LRP1B: variants seen among roughly 807,000 people sequenced by gnomAD.
LRP1B encodes low-density lipoprotein receptor-related protein 1B.
LRP1B carries 217 observed loss-of-function variants against 556.6 expected under a neutral mutation model. The ratio of observed to expected loss-of-function variants is 0.39; its 90% confidence interval spans 0.35 to 0.44. The LOEUF is 0.44. Ranked by LOEUF, LRP1B falls within the 20% of genes least tolerant of loss-of-function variation. The pLI is 1.00. For missense variants in LRP1B, 5,053 were observed against 5,620.8 expected (o/e 0.90, Z 3.23); for synonymous variants, 2,047 against 1,865.8 (o/e 1.10, Z -2.50).
At chr2:140,982,011 G>A (rs993423523) in intron 18 of LRP1B, 149 bp downstream of exon 18, 1 of 571,586 alleles carries the variant, frequency 1.7e-6, no homozygotes, top group African/African-American at 1.9e-5. Context: ...CGCACAATCA[G>A]GTCCAAAAGT....
At chr2:141,463,628 AT>A (rs1189007612) in intron 3 of LRP1B, among the ~76,000 whole-genome samples, 4 of 119,572 alleles carry the variant, frequency 3.3e-5, no homozygotes, top group East Asian at 4.2e-4. Flanking sequence ...TGTATTATAT[AT>A]TATTATATAT....
intron 37 of LRP1B, among the ~76,000 whole-genome samples, chr2:140,703,138 A>G (rs1686708287): frequency 6.6e-6 from 1 of 152,066 alleles, no homozygotes; most frequent in African/African-American, 2.4e-5. Flanking sequence ...ATAACTTTCT[A>G]TTTTTTCTAC....
intron 2 of LRP1B, among the ~76,000 whole-genome samples, chr2:141,661,515 C>T (rs1415954588): frequency 1.3e-5 from 2 of 152,060 alleles, no homozygotes; most frequent in Non-Finnish European, 2.9e-5. Context: ...AAACACAACA[C>T]GAGAACTTCA....
chr2:141,038,051 A>G (rs10210358), intron 11 of LRP1B, among the ~76,000 whole-genome samples: 106,870 of 151,498 alleles, frequency 0.71, 39,344 homozygotes, highest in Non-Finnish European at 0.81. Context: ...ACCTCTTCCA[A>G]TCAATGTTGA....
At chr2:141,544,167 G>C (rs1023303913) in intron 2 of LRP1B, among the ~76,000 whole-genome samples, 9 of 152,152 alleles carry the variant, frequency 5.9e-5, no homozygotes, top group East Asian at 5.8e-4. Flanking sequence ...GATAATGGAA[G>C]ATCTAGCAGG....
intron 33 of LRP1B, among the ~76,000 whole-genome samples, chr2:140,773,561 G>A (rs1472962950): frequency 3.3e-5 from 5 of 151,686 alleles, no homozygotes; most frequent in Non-Finnish European, 5.9e-5. Context: ...TGGGTCTGGG[G>A]CTGTATATTT....
intron 41 of LRP1B, among the ~76,000 whole-genome samples, chr2:140,659,872 T>C (rs951300109): frequency 6.6e-6 from 1 of 151,998 alleles, no homozygotes; most frequent in Non-Finnish European, 1.5e-5. Flanking sequence ...GAAAAATAGA[T>C]TATTTGGGGA....
At chr2:141,247,639 A>T (rs1203784167) in intron 4 of LRP1B, among the ~76,000 whole-genome samples, 1 of 152,154 alleles carries the variant, frequency 6.6e-6, no homozygotes, top group Non-Finnish European at 1.5e-5. Flanking sequence ...AAAGGTACAA[A>T]ATGCACTCCA....
intron 1 of LRP1B, among the ~76,000 whole-genome samples, chr2:141,908,623 T>C (rs982652865): frequency 3.3e-5 from 5 of 152,112 alleles, no homozygotes; most frequent in African/African-American, 9.7e-5. Flanking sequence ...AAATTGCTTA[T>C]ATAACATGTA....
At chr2:141,719,541 TAATA>T (rs1692740629) in intron 2 of LRP1B, among the ~76,000 whole-genome samples, 2 of 152,108 alleles carry the variant, frequency 1.3e-5, no homozygotes, top group African/African-American at 4.8e-5. Context: ...GCATTTTTAT[TAATA>T]AATCTCTAAT....
intron 1 of LRP1B, among the ~76,000 whole-genome samples, chr2:142,107,793 A>ACT: frequency 1.1e-5 from 1 of 89,052 alleles, no homozygotes; most frequent in African/African-American, 3.9e-5. Flanking sequence ...ACGCCTAGCT[A>ACT]ATTTTTTTTT....
intron 2 of LRP1B, among the ~76,000 whole-genome samples, chr2:141,759,078 T>TA (rs568997895): frequency 6.7e-4 from 102 of 152,152 alleles, no homozygotes; most frequent in African/African-American, 2.4e-3. Flanking sequence ...ATCATCACTC[T>TA]AAAAAATGAC....
At chr2:140,620,178 CAG>C (rs1019850627) in intron 41 of LRP1B, among the ~76,000 whole-genome samples, 2 of 152,036 alleles carry the variant, frequency 1.3e-5, no homozygotes, top group Non-Finnish European at 2.9e-5. Context: ...TTAATAAAGA[CAG>C]AAAAGTTAGC....
At chr2:141,152,114 T>C (rs537115538) in intron 7 of LRP1B, among the ~76,000 whole-genome samples, 2 of 152,098 alleles carry the variant, frequency 1.3e-5, no homozygotes, top group African/African-American at 4.8e-5. Context: ...GTAAATTATT[T>C]CTTCTCTTTT....
chr2:141,426,930 G>T (rs1463488554), intron 3 of LRP1B, among the ~76,000 whole-genome samples: 1 of 152,020 alleles, frequency 6.6e-6, no homozygotes, highest in Non-Finnish European at 1.5e-5. Flanking sequence ...GAATGTGCAG[G>T]TTTGTTACAT....
chr2:141,566,754 G>A (rs1686345222), intron 2 of LRP1B, among the ~76,000 whole-genome samples: 1 of 152,054 alleles, frequency 6.6e-6, no homozygotes, highest in African/African-American at 2.4e-5. Context: ...AGTTACCCTG[G>A]AGGCTGAGAT....
chr2:141,597,158 C>T (rs1687554738), intron 2 of LRP1B, among the ~76,000 whole-genome samples: 2 of 151,914 alleles, frequency 1.3e-5, no homozygotes, highest in Non-Finnish European at 2.9e-5. Flanking sequence ...CTGACACAGA[C>T]TTTTTCCTAC....
chr2:141,552,538 T>C (rs1174627171), intron 2 of LRP1B, among the ~76,000 whole-genome samples: 1 of 152,062 alleles, frequency 6.6e-6, no homozygotes, highest in Admixed American at 6.6e-5. Flanking sequence ...CTACATGAGA[T>C]TCTTCCACAG....
At chr2:141,963,825 G>GA (rs1701477931) in intron 1 of LRP1B, among the ~76,000 whole-genome samples, 1 of 145,860 alleles carries the variant, frequency 6.9e-6, no homozygotes, top group Non-Finnish European at 1.5e-5. Flanking sequence ...CAGACGACAT[G>GA]ATTGTTTATC....
Sources: allele counts gnomAD v4.1 joint callset (sites outside exome capture counted in the v4.1 genomes callset), GRCh38; gene constraint gnomAD v4.1.1; transcripts MANE v1.5; gene names NCBI Gene and HGNC (gene_info 2026-07-23, HGNC 2026-07-21).